Variants in BACE2 observed in about 807,000 individuals in gnomAD.
BACE2 encodes 56 kDa aspartic-like protease.
BACE2 carries 17 observed loss-of-function variants against 46.2 expected under a neutral mutation model. That is an observed-to-expected ratio of 0.37 (90% confidence interval 0.25 to 0.55). The LOEUF is 0.55. Among genes scored for constraint, BACE2 ranks in the 20% least tolerant of loss-of-function variants. The pLI, the probability that BACE2 is intolerant of heterozygous loss-of-function variation, is 0.82. For synonymous variants in BACE2, 277 were observed against 295.9 expected (o/e 0.94, Z 0.66); for missense variants, 595 against 698.1 (o/e 0.85, Z 1.66).
intron 8 of BACE2, among the ~76,000 whole-genome samples, chr21:41,264,214 C>CT (rs888446773): frequency 1.3e-4 from 19 of 146,470 alleles, no homozygotes; most frequent in Admixed American, 9.5e-4. Context: ...GTTTGGGGGT[C>CT]TTTTTTTTTT....
intron 1 of BACE2, among the ~76,000 whole-genome samples, chr21:41,188,729 A>G (rs1418834254): frequency 6.6e-6 from 1 of 152,372 alleles, no homozygotes; most frequent in South Asian, 2.1e-4. Flanking sequence ...GAGAAACCTT[A>G]GAAGCCTTCC....
At chr21:41,201,206 G>T (rs1363305264) in intron 1 of BACE2, among the ~76,000 whole-genome samples, 1 of 152,202 alleles carries the variant, frequency 6.6e-6, no homozygotes, top group Non-Finnish European at 1.5e-5. Flanking sequence ...GCAGTCTTTT[G>T]TTCTTTGGTA....
intron 8 of BACE2, 79 bp downstream of exon 8, chr21:41,257,405 A>G: frequency 6.8e-7 from 1 of 1,474,116 alleles, no homozygotes; most frequent in South Asian, 1.3e-5. Context: ...GCAATTCTTG[A>G]TGGCAACTCA....
chr21:41,184,018 A>C (rs912732169), intron 1 of BACE2: 7 of 166,940 alleles, frequency 4.2e-5, no homozygotes, highest in African/African-American at 9.7e-5. Context: ...CTTTTTGGCT[A>C]TTTCTTTTTA....
rs1964926 is a variant in BACE2 at position 41,281,194 on chromosome 21, A to G, written c.*5570A>G. On this transcript the variant is annotated 3_prime_UTR_variant, in exon 9 of 9. Coordinates refer to ENST00000330333, the MANE Select transcript of BACE2 (RefSeq NM_012105.5). ...ATTGTTTGTGTAAGACCAACCAGAT[A>G]AAGTCCAAACTGTGTAGAACACACG... The G allele has an allele frequency of 0.61, 92,284 of 152,214 alleles. 29,018 individuals carry two copies. The highest frequency in any genetic ancestry group is 0.85 in the East Asian group (4,390 of 5,178). The allele number at this position is 152,214 out of a possible 1,614,324, so 9.4% of individuals were successfully genotyped here. A position where few individuals can be genotyped will look rare whatever the true frequency, so the allele number is the denominator to read the frequency against.
At chr21:41,269,255 C>T (rs961786002) in intron 8 of BACE2, among the ~76,000 whole-genome samples, 1 of 152,128 alleles carries the variant, frequency 6.6e-6, no homozygotes, top group African/African-American at 2.4e-5. Context: ...AGCCTGGCCT[C>T]GGTTTTTCTT....
At chr21:41,221,564 G>A (rs1252043959) in intron 1 of BACE2, among the ~76,000 whole-genome samples, 1 of 152,168 alleles carries the variant, frequency 6.6e-6, no homozygotes, top group Non-Finnish European at 1.5e-5. Flanking sequence ...GGTGGCTCAC[G>A]CCTGTAATCC....
Position 41,216,554 on chromosome 21 carries a change from G to A in BACE2, c.313-9712G>A, listed in dbSNP as rs531936769. The stretch of plus-strand genomic sequence containing the variant: ...CTGCATTTGTGTTCCCTGCCTCTGC[G>A]GAGGAGTGACACCCCCTGAGAGGCA... On this transcript the variant is annotated intron_variant, in intron 1 of 8. Coordinates refer to ENST00000330333, the MANE Select transcript of BACE2 (RefSeq NM_012105.5). Among the ~76,000 whole-genome samples, 7 of 152,348 alleles carry A rather than the reference G, an allele frequency of 4.6e-5. No homozygotes were observed. The East Asian group carries it at 5.8e-4, about 13-fold the overall frequency.
At chr21:41,215,683 G>A (rs534265601) in intron 1 of BACE2, among the ~76,000 whole-genome samples, 20 of 152,318 alleles carry the variant, frequency 1.3e-4, no homozygotes, top group Admixed American at 5.9e-4. Flanking sequence ...GAACAGGGGC[G>A]GGGACGTCGG....
At chr21:41,195,495 A>G (rs1420045315) in intron 1 of BACE2, among the ~76,000 whole-genome samples, 1 of 151,964 alleles carries the variant, frequency 6.6e-6, no homozygotes, top group Non-Finnish European at 1.5e-5. Context: ...CGTCCCTTAC[A>G]CCTCCATTCT....
At chr21:41,240,834 G>GT (rs1457340547) in intron 3 of BACE2, among the ~76,000 whole-genome samples, 1 of 152,230 alleles carries the variant, frequency 6.6e-6, no homozygotes, top group Non-Finnish European at 1.5e-5. Flanking sequence ...GGGAAGATCT[G>GT]TATCTATTCC....
chr21:41,175,126 A>G (rs1010357536), intron 1 of BACE2: 1 of 152,220 alleles, frequency 6.6e-6, no homozygotes, highest in Admixed American at 6.5e-5. Context: ...AGAATTCTCA[A>G]AAGAAGAGAG....
intron 1 of BACE2, among the ~76,000 whole-genome samples, chr21:41,217,747 G>A (rs756098659): frequency 1.1e-4 from 17 of 152,260 alleles, no homozygotes; most frequent in Non-Finnish European, 1.6e-4. Context: ...ATGCAAAGAA[G>A]GTGTCACAGA....
chr21:41,257,014 G>T, intron 7 of BACE2, 144 bp from the exon 8 acceptor site: 1 of 810,580 alleles, frequency 1.2e-6, no homozygotes. Flanking sequence ...CTCCTGGATG[G>T]CAGGGTGAGA....
chr21:41,204,988 G>A (rs1986081735), intron 1 of BACE2, among the ~76,000 whole-genome samples: 1 of 151,962 alleles, frequency 6.6e-6, no homozygotes, highest in Admixed American at 6.6e-5. Context: ...AGCCTTATAT[G>A]AGCCACATAG....
intron 8 of BACE2, among the ~76,000 whole-genome samples, chr21:41,266,942 GTGTT>G (rs1601322032): frequency 1.1e-5 from 1 of 87,376 alleles, no homozygotes. Flanking sequence ...TTCTCTCACA[GTGTT>G]TGTGTGTGTG....
At position 41,237,509 on chromosome 21, in the gene BACE2, C is replaced by T; in HGVS notation, c.402-4C>T. Reference sequence around the variant, plus strand: ...TACAATATGCTTTTCTTTTCTTTCTCCAGGTCTAGCACATACCGCTCCAAG... The same window carrying T: ...TACAATATGCTTTTCTTTTCTTTCTTCAGGTCTAGCACATACCGCTCCAAG... On this transcript the variant is annotated splice_region_variant and splice_polypyrimidine_tract_variant and intron_variant, in intron 2 of 8. Coordinates refer to ENST00000330333, the MANE Select transcript of BACE2 (RefSeq NM_012105.5). 2 of 1,590,888 alleles carry T rather than the reference C, an allele frequency of 1.3e-6. No homozygotes were observed. Among genetic ancestry groups the T allele is most frequent in the Non-Finnish European group, 1.7e-6 (2 of 1,168,458 alleles).
chr21:41,277,375 A>G lies in BACE2; in HGVS notation c.*1751A>G, dbSNP rs1374625922. 1.3e-5 allele frequency: 2 copies of G among 152,208 alleles called. No homozygotes were observed. Among genetic ancestry groups the G allele is most frequent in the African/African-American group, 2.4e-5 (1 of 41,444 alleles). The allele number at this position is 152,208 out of a possible 1,614,324, so 9.4% of individuals were successfully genotyped here. A position where few individuals can be genotyped will look rare whatever the true frequency, so the allele number is the denominator to read the frequency against. On this transcript the variant is annotated 3_prime_UTR_variant, in exon 9 of 9. Coordinates refer to ENST00000330333, the MANE Select transcript of BACE2 (RefSeq NM_012105.5). The stretch of plus-strand genomic sequence containing the variant: ...TGAGTTGCAGCCTCTTGGAAAGAAC[A>G]TGACGGCACGGAACGGGAGGAGGGG...
intron 1 of BACE2, chr21:41,182,326 T>C (rs1985162230): frequency 6.0e-6 from 1 of 166,980 alleles, no homozygotes; most frequent in African/African-American, 2.4e-5. Flanking sequence ...GCAGTGGGGG[T>C]ACTTAACAAT....
Sources: gnomAD v4.1 joint callset for allele counts (sites outside exome capture counted in the v4.1 genomes callset) on GRCh38, gnomAD v4.1.1 for gene constraint, MANE v1.5 for transcripts, NCBI Gene and HGNC (gene_info 2026-07-23, HGNC 2026-07-21) for gene names.